The following TTN variants were observed in gnomAD, a reference collection of about 807,000 sequenced individuals.
The protein encoded by TTN is titin, also known as connectin.
In TTN, 1,525 loss-of-function variants were observed where a neutral mutation model predicts 3,223.0. The ratio of observed to expected loss-of-function variants is 0.47; its 90% CI spans 0.45 to 0.49. The LOEUF (loss-of-function observed/expected upper bound fraction) is 0.49, where lower values mean the gene tolerates loss of function less well. TTN is among the 20% of genes least tolerant of loss of function. TTN has a pLI of 0.00. For missense variants in TTN, 40,786 were observed against 43,424.0 expected, an observed-to-expected ratio of 0.94 and a Z score of 5.40; for synonymous variants, 14,094 against 15,161.0, an observed-to-expected ratio of 0.93 and a Z score of 5.17.
rs1331918095 is a variant in TTN, at chr2:178,676,030, T to C, written c.34379-35A>G. 1.9e-6 allele frequency: 3 copies of C among 1,557,602 alleles called. No individual in the cohort carries two copies. The African/African-American group carries it at 4.1e-5, about 21-fold the overall frequency. On this transcript the variant is annotated intron_variant, in intron 147 of 362. Coordinates refer to ENST00000589042, the MANE Select transcript of TTN (RefSeq NM_001267550.2). ...CATCATTTCATGATAAGGATTTATT[T>C]TGAAGGACAAAAAAAGAGAAACCAA... is the stretch of plus-strand genomic sequence containing the variant.
chr2:178,713,627 T>A, intron 92 of TTN: 1 of 700,820 alleles, frequency 1.4e-6, no homozygotes, highest in South Asian at 2.5e-5. Flanking sequence ...TGGTGAATTA[T>A]TTCAGCATAA....
At position 178,581,425 on chromosome 2, in the gene TTN, A is replaced by G. The variant is rs1303380832; in HGVS notation, c.66769+74T>C. On this transcript the variant is annotated intron_variant, in intron 316 of 362. Coordinates refer to ENST00000589042, the MANE Select transcript of TTN (RefSeq NM_001267550.2). The stretch of plus-strand genomic sequence containing the variant: ...ACCTTGTTAATAAATTAATCTACCT[A>G]AGGGAGTTCTAGTCTCCCTCTTAGA... 4.0e-6 allele frequency: 5 copies of G among 1,264,974 alleles called. No homozygotes were observed. The African/African-American group carries it at 4.5e-5, about 11-fold the overall frequency. 78.4% of individuals were successfully genotyped at this position (1,264,974 alleles called of 1,614,324 possible). A position where few individuals can be genotyped will look rare whatever the true frequency, so the allele number is the denominator to read the frequency against.
intron 121 of TTN, among the ~76,000 whole-genome samples, chr2:178,690,885 T>C (rs2072236358): frequency 6.6e-6 from 1 of 152,158 alleles, no homozygotes; most frequent in Non-Finnish European, 1.5e-5. Context: ...ATATATGACT[T>C]TGCTGAAAAC....
chr2:178,650,351 T>A, intron 209 of TTN, 80 bp from the exon 210 acceptor site: 1 of 1,255,904 alleles, frequency 8.0e-7, no homozygotes, highest in Non-Finnish European at 1.1e-6. Flanking sequence ...CGATAAATAG[T>A]AATCTTGATT....
chr2:178,805,343 C>CAAAAAAAA (rs34870064), intron 1 of TTN, among the ~76,000 whole-genome samples: 1 of 89,820 alleles, frequency 1.1e-5, no homozygotes, highest in African/African-American at 4.3e-5. Context: ...GACTCTGTCT[C>CAAAAAAAA]AAAAAAAAAA....
rs879097187 is a variant in TTN at position 178,782,835 on chromosome 2, A to C, written c.3071T>G (p.Val1024Gly). Residue 1024 changes from valine (V) to glycine (G), a missense_variant, in exon 18 of 363, where the codon GTC becomes GGC. Coordinates refer to ENST00000589042, the MANE Select transcript of TTN (RefSeq NM_001267550.2). ...CACAGCCAGATAGCAGGATGTGCTGACGGTTCCAGCCTCATTTACAGCACT... is the reference window on the plus strand; with the variant it reads ...CACAGCCAGATAGCAGGATGTGCTGCCGGTTCCAGCCTCATTTACAGCACT... ...TCSAVNEAGT[V>G]STSCYLAVQV... is the part of the protein sequence containing the mutation. The C allele has an allele frequency of 1.2e-6, 2 of 1,613,440 alleles. No homozygotes were observed.
At chr2:178,750,417 A>G (rs1410981730) in intron 47 of TTN, 2 of 1,612,344 alleles carry the variant, frequency 1.2e-6, no homozygotes, top group Admixed American at 1.7e-5. Flanking sequence ...TAGTTTTCCA[A>G]CGAATGAATG....
chr2:178,527,079 G>T lies in TTN; in HGVS notation c.107909C>A (p.Thr35970Asn), dbSNP rs765869850. 1.9e-6 allele frequency: 3 copies of T among 1,613,930 alleles called. No individual in the cohort carries two copies. The highest frequency in any genetic ancestry group is 2.2e-5 in the East Asian group (1 of 44,880). Reference sequence around the variant, plus strand: ...TCCAAATTCATTCCCTAAACTCAGGGTATAAAGTCCACCATCTTGTTTCTG... The same window carrying T: ...TCCAAATTCATTCCCTAAACTCAGGTTATAAAGTCCACCATCTTGTTTCTG... ...DVQKQDGGLY[T>N]LSLGNEFGSD... is the part of the protein sequence containing the mutation. The change falls in exon 363 of 363, where the codon ACC (threonine) becomes AAC (asparagine). Residue 35970 changes from threonine (T) to asparagine (N), a missense_variant. Physicochemically the swap from Thr to Asn is moderately conservative, Grantham distance 65. Coordinates refer to ENST00000589042, the MANE Select transcript of TTN (RefSeq NM_001267550.2).
At chr2:178,675,426 AT>A in intron 149 of TTN, 1 of 381,926 alleles carries the variant, frequency 2.6e-6, no homozygotes, top group Admixed American at 4.6e-5. Flanking sequence ...TTCCTTAGTT[AT>A]TTTTGGCTCT....
rs780947951 is a variant in TTN, at chr2:178,609,747, T to C, written c.51676A>G (p.Asn17226Asp). Residue 17226 changes from asparagine to aspartate, a missense_variant, in exon 272 of 363, where the codon AAC (asparagine) becomes GAC (aspartate). Asn to Asp is a conservative substitution (Grantham distance 23, BLOSUM62 1). Coordinates refer to ENST00000589042, the MANE Select transcript of TTN (RefSeq NM_001267550.2). The part of the protein sequence containing the change: ...KEYQFRVRAE[N>D]AAGISEPSRA... ...GAAGGTTCACTAATACCCGCGGCGT[T>C]CTCTGCTCGCACACGGAATTGGTAC... is the stretch of plus-strand genomic sequence containing the variant. 1 of 1,612,518 alleles carries C rather than the reference T, an allele frequency of 6.2e-7. No individual in the cohort carries two copies. Among genetic ancestry groups the C allele is most frequent in the South Asian group, 1.1e-5 (1 of 90,964 alleles).
chr2:178,664,684 G>T lies in TTN; in HGVS notation c.36172C>A (p.Leu12058Ile). 5 of 1,612,576 alleles carry T rather than the reference G, an allele frequency of 3.1e-6. No homozygotes were observed. Among genetic ancestry groups the T allele is most frequent in the Non-Finnish European group, 4.2e-6 (5 of 1,179,718 alleles). Residue 12058 changes from leucine (L) to isoleucine (I), a missense_variant, in exon 167 of 363, where the codon CTC becomes ATC. By Grantham distance (5) the Leu-to-Ile change is conservative (BLOSUM62 2). Coordinates refer to ENST00000589042, the MANE Select transcript of TTN (RefSeq NM_001267550.2). The part of the protein sequence containing the change: ...VPEKKTLVVP[L>I]RKPEVLPDEV... ...TCAGGAAGGACTTCAGGCTTTCTGA[G>T]AGGAACCACAAGCGTTTTCTTTTCA...
intron 68 of TTN, 76 bp downstream of exon 68, chr2:178,727,509 T>TTA: frequency 6.6e-7 from 1 of 1,513,782 alleles, no homozygotes; most frequent in Non-Finnish European, 8.8e-7. Flanking sequence ...TCTTGATTGT[T>TTA]TAGAGACATT....
In TTN at chr2:178,707,638, C is replaced by G. The variant is rs1473228553; in HGVS notation, c.28929G>C (p.Gly9643=). ...CATCTCTGAGTTCCAGTACAGCTGT[C>G]CCACTAGCAAAGCTGAAGCTGCATC... is the stretch of plus-strand genomic sequence containing the variant. ...SDRCSFSFAS[G]TAVLELRDVA... Residue 9643 remains glycine (G), a synonymous_variant, in exon 100 of 363, where the codon GGG becomes GGC. Transcript: ENST00000589042. 6.2e-7 allele frequency: 1 copy of G among 1,613,900 alleles called. No homozygotes were observed. The highest frequency in any genetic ancestry group is 8.5e-7 in the Non-Finnish European group (1 of 1,179,844).
chr2:178,535,310 C>A lies in TTN; in HGVS notation c.101305G>T (p.Gly33769Cys), dbSNP rs1690932780. The A allele has an allele frequency of 6.2e-7, 1 of 1,613,746 alleles. No homozygotes were observed. The highest frequency in any genetic ancestry group is 1.7e-5 in the Admixed American group (1 of 59,998). ...QFRVIAENKF[G>C]LSKPSEPSEP... ...GAAGGCTCTGAAGGCTTGCTCAGAC[C>A]AAATTTATTTTCAGCTATTACCCGG... The change falls in exon 358 of 363, where the codon GGT (glycine) becomes TGT (cysteine). Residue 33769 changes from glycine (G) to cysteine (C), a missense_variant. Transcript: ENST00000589042.
chr2:178,698,942 G>GA lies in TTN; in HGVS notation c.30683-29dup, dbSNP rs755265331. 61 of 1,435,606 alleles carry GA rather than the reference G, an allele frequency of 4.2e-5. 1 individual carries two copies. The highest frequency in any genetic ancestry group is 9.0e-5 in the African/African-American group (6 of 66,500). The allele number at this position is 1,435,606 out of a possible 1,614,324, so 88.9% of individuals were successfully genotyped here. A position where few individuals can be genotyped will look rare whatever the true frequency, so the allele number is the denominator to read the frequency against. On this transcript the variant is annotated intron_variant, in intron 111 of 362. Transcript: ENST00000589042. ...AAAAAAAAAAAAAAAGAAAAAAAAA[G>GA]AAAAAATATTTCTGGTGTAAGTAAC...
Position 178,802,330 on chromosome 2 carries a change from G to C in TTN, c.103C>G (p.Pro35Ala), listed in dbSNP as rs779420414. Reference sequence around the variant, plus strand: ...CCATCCCTAAACCAGCTCACCTCAGGAACTGGAAAACCTGAAGAGCAAGAA... The same window carrying C: ...CCATCCCTAAACCAGCTCACCTCAGCAACTGGAAAACCTGAAGAGCAAGAA... ...FEAHISGFPV[P>A]EVSWFRDGQV... Residue 35 changes from proline (P) to alanine (A), a missense_variant, in exon 3 of 363, where the codon CCT becomes GCT. By Grantham distance (27) the Pro-to-Ala change is conservative. Coordinates refer to ENST00000589042, the MANE Select transcript of TTN (RefSeq NM_001267550.2). 2.5e-6 allele frequency: 4 copies of C among 1,614,002 alleles called. No individual in the cohort carries two copies. The South Asian group carries it at 4.4e-5, about 18-fold the overall frequency.
rs879185434 is a variant in TTN at position 178,536,189 on chromosome 2, T to C, written c.100558A>G (p.Thr33520Ala). The C allele has an allele frequency of 1.9e-6, 3 of 1,613,450 alleles. No individual in the cohort carries two copies. In the African/African-American group the frequency reaches 4.0e-5, roughly 22 times the overall value. The change falls in exon 357 of 363, where the codon ACT (threonine) becomes GCT (alanine). Residue 33520 changes from threonine (T) to alanine (A), a missense_variant. Thr to Ala is a moderately conservative substitution (Grantham distance 58, BLOSUM62 0). Coordinates refer to ENST00000589042, the MANE Select transcript of TTN (RefSeq NM_001267550.2). ...TTGACGATAGGTTTTGGATGACCAG[T>C]CACTTTGCAGACCAAGGTAGCATTG... ...QSNATLVCKV[T>A]GHPKPIVKWY...
In TTN at chr2:178,535,114, T is replaced by C; in HGVS notation, c.101501A>G (p.His33834Arg). The stretch of plus-strand genomic sequence containing the variant: ...CTTTGAGGATGTTTCAACACAACGA[T>C]GGACAATTCCAAACTCACCACGCCC... ...DLGRGEFGIV[H>R]RCVETSSKKT... Residue 33834 changes from histidine (H) to arginine (R), a missense_variant, in exon 358 of 363, where the codon CAT becomes CGT. Coordinates refer to ENST00000589042, the MANE Select transcript of TTN (RefSeq NM_001267550.2). 1.9e-6 allele frequency: 3 copies of C among 1,613,868 alleles called. No individual in the cohort carries two copies. Among genetic ancestry groups the C allele is most frequent in the Non-Finnish European group, 2.5e-6 (3 of 1,179,852 alleles).
chr2:178,786,075 T>C lies in TTN; in HGVS notation c.2143A>G (p.Arg715Gly), dbSNP rs727505258. Residue 715 changes from arginine (R) to glycine (G), a missense_variant, in exon 14 of 363, where the codon AGA becomes GGA. Transcript: ENST00000589042. Reference protein sequence around the residue: ...VVAAVDQARVREPREPGHLEE... With the variant: ...VVAAVDQARVGEPREPGHLEE... ...AGATGCCCAGGCTCTCTGGGCTCTCTGACTCGGGCCTGGTCTACTGCAGCA... is the reference window on the plus strand; with the variant it reads ...AGATGCCCAGGCTCTCTGGGCTCTCCGACTCGGGCCTGGTCTACTGCAGCA... The C allele has an allele frequency of 6.2e-7, 1 of 1,614,120 alleles. No homozygotes were observed. Among genetic ancestry groups the C allele is most frequent in the Non-Finnish European group, 8.5e-7 (1 of 1,180,006 alleles).
Sources: allele counts gnomAD v4.1 joint callset (sites outside exome capture counted in the v4.1 genomes callset), GRCh38; gene constraint gnomAD v4.1.1; transcripts MANE v1.5; gene names NCBI Gene and HGNC (gene_info 2026-07-23, HGNC 2026-07-21).